The following SMAD4 variants were observed in gnomAD, a reference collection of about 807,000 sequenced individuals.
SMAD4 encodes SMAD family member 4.
Under a neutral mutation model 63.2 loss-of-function variants are expected in SMAD4, and 7 were observed. The observed-to-expected ratio is 0.11, with a 90% CI of 0.06 to 0.21. The LOEUF (loss-of-function observed/expected upper bound fraction) is 0.21, where lower values mean the gene tolerates loss of function less well. SMAD4 is among the 10% of genes least tolerant of loss of function. The pLI, the probability that SMAD4 is intolerant of heterozygous loss-of-function variation, is 1.00. For missense variants in SMAD4, 312 were observed against 693.8 expected (o/e 0.45, Z 6.18); for synonymous variants, 215 against 235.4 (o/e 0.91, Z 0.79).
chr18:51,057,777 A>C (rs901243324), intron 5 of SMAD4, among the ~76,000 whole-genome samples: 11 of 152,134 alleles, frequency 7.2e-5, no homozygotes, highest in African/African-American at 2.7e-4. Flanking sequence ...CCAGAGAGAG[A>C]GGTGGATGGA....
rs1269081475 is a variant in SMAD4 at position 51,079,202 on chromosome 18, A to T, written c.*735A>T. The T allele has an allele frequency of 1.3e-5, 3 of 232,862 alleles. No individual in the cohort carries two copies. Among genetic ancestry groups the T allele is most frequent in the African/African-American group, 2.2e-5 (1 of 45,342 alleles). The allele number at this position is 232,862 out of a possible 1,614,324, so 14.4% of individuals were successfully genotyped here. A position where few individuals can be genotyped will look rare whatever the true frequency, so the allele number is the denominator to read the frequency against. ...CCTAGTGGATGACTGTTGATGAAGT[A>T]TACTTTTCCCCTGTTAAACAGTAGT... On this transcript the variant is annotated 3_prime_UTR_variant, in exon 12 of 12. Transcript: ENST00000342988.
At chr18:51,074,391 C>T (rs190844355) in intron 10 of SMAD4, among the ~76,000 whole-genome samples, 1 of 152,174 alleles carries the variant, frequency 6.6e-6, no homozygotes, top group Admixed American at 6.5e-5. Flanking sequence ...ACAAACACCT[C>T]ACCAAAGAAG....
At chr18:51,066,307 G>GC (rs1910149179) in intron 9 of SMAD4, among the ~76,000 whole-genome samples, 1 of 146,830 alleles carries the variant, frequency 6.8e-6, no homozygotes. Flanking sequence ...TCGTGCCACT[G>GC]CACCCCAGCC....
In SMAD4 at chr18:51,054,996, G is replaced by C. The variant is rs757971589; in HGVS notation, c.667+3G>C. 8.7e-6 allele frequency: 14 copies of C among 1,606,396 alleles called. No individual in the cohort carries two copies. The highest frequency in any genetic ancestry group is 1.0e-5 in the Non-Finnish European group (12 of 1,173,730). On this transcript the variant is annotated splice_donor_region_variant and intron_variant, in intron 5 of 11. Coordinates refer to ENST00000342988, the MANE Select transcript of SMAD4 (RefSeq NM_005359.6). ...CAACATTCCTGTGGCTTCCACAAGT[G>C]AGTTCTAGAATCAGATGTAGTCAGC...
chr18:51,059,886 G>A lies in SMAD4; in HGVS notation c.925G>A (p.Ala309Thr), dbSNP rs774463256. The A allele has an allele frequency of 6.2e-7, 1 of 1,613,258 alleles. No individual in the cohort carries two copies. Among genetic ancestry groups the A allele is most frequent in the South Asian group, 1.1e-5 (1 of 91,062 alleles). The change falls in exon 8 of 12, where the codon GCA (alanine) becomes ACA (threonine). Residue 309 changes from alanine to threonine, a missense_variant. Ala to Thr is a moderately conservative substitution (Grantham distance 58). This residue lies in a region of SMAD4 where 169 missense variants were observed against 211.0 expected (regional missense o/e 0.80). Transcript: ENST00000342988. ...TTTAGGGCCTGTTCACAATGAGCTTGCATTCCAGCCTCCCATTTCCAATCA... is the reference window on the plus strand; with the variant it reads ...TTTAGGGCCTGTTCACAATGAGCTTACATTCCAGCCTCCCATTTCCAATCA... Reference protein sequence around the residue: ...GHYWPVHNELAFQPPISNHPA... With the variant: ...GHYWPVHNELTFQPPISNHPA...
chr18:51,049,191 C>G (rs1457004377), intron 3 of SMAD4, 104 bp from the exon 4 acceptor site: 1 of 893,644 alleles, frequency 1.1e-6, no homozygotes, highest in Non-Finnish European at 1.8e-6. Context: ...GGTTCATGAA[C>G]TTTTGTAATC....
chr18:51,048,962 C>T lies in SMAD4; in HGVS notation c.424+102C>T, dbSNP rs80002804. On this transcript the variant is annotated intron_variant, in intron 3 of 11. Coordinates refer to ENST00000342988, the MANE Select transcript of SMAD4 (RefSeq NM_005359.6). ...AATTATAAATTTGGAAGATAGCCCG[C>T]GACTTTAAATAAGGTTAAAGAATCA... The T allele has an allele frequency of 1.6e-4, 162 of 1,006,432 alleles. No homozygotes were observed. In the African/African-American group the frequency reaches 2.4e-3, roughly 15 times the overall value. 62.3% of individuals were successfully genotyped at this position (1,006,432 alleles called of 1,614,324 possible). A position where few individuals can be genotyped will look rare whatever the true frequency, so the allele number is the denominator to read the frequency against.
At chr18:51,049,429 C>G in intron 4 of SMAD4, 105 bp downstream of exon 4, 1 of 827,080 alleles carries the variant, frequency 1.2e-6, no homozygotes, top group South Asian at 1.4e-5. Flanking sequence ...GTAACATTAA[C>G]AAGAAAATAA....
intron 8 of SMAD4, among the ~76,000 whole-genome samples, chr18:51,064,671 T>TA (rs1910102432): frequency 6.6e-6 from 1 of 152,210 alleles, no homozygotes; most frequent in African/African-American, 2.4e-5. Flanking sequence ...CCCAGTGATT[T>TA]AAAATTATAT....
intron 1 of SMAD4, among the ~76,000 whole-genome samples, chr18:51,038,948 C>T (rs1909290298): frequency 6.6e-6 from 1 of 152,000 alleles, no homozygotes; most frequent in Non-Finnish European, 1.5e-5. Context: ...CTCTACTAAA[C>T]ATACAAAAAT....
intron 1 of SMAD4, among the ~76,000 whole-genome samples, chr18:51,031,829 A>G (rs1386662286): frequency 6.6e-6 from 1 of 152,132 alleles, no homozygotes; most frequent in Non-Finnish European, 1.5e-5. Context: ...CTTTTGCCAT[A>G]CCCTGCAGAG....
In SMAD4 at chr18:51,079,812, T is replaced by C. The variant is rs1910564750; in HGVS notation, c.*1345T>C. The C allele has an allele frequency of 4.3e-6, 1 of 232,728 alleles. No individual in the cohort carries two copies. The highest frequency in any genetic ancestry group is 5.6e-5 in the Admixed American group (1 of 17,758). 14.4% of individuals were successfully genotyped at this position (232,728 alleles called of 1,614,324 possible). A position where few individuals can be genotyped will look rare whatever the true frequency, so the allele number is the denominator to read the frequency against. On this transcript the variant is annotated 3_prime_UTR_variant, in exon 12 of 12. Coordinates refer to ENST00000342988, the MANE Select transcript of SMAD4 (RefSeq NM_005359.6). ...ATTCTAGGTTTGATTTTTAAGATTT[T>C]TTTTTTCTTTTGCACTTTTGAGTCC...
intron 8 of SMAD4, among the ~76,000 whole-genome samples, chr18:51,061,801 AATG>A (rs1910022859): frequency 6.6e-6 from 1 of 152,178 alleles, no homozygotes; most frequent in Admixed American, 6.5e-5. Context: ...CAGCGCCCAT[AATG>A]ATTAATTCAA....
chr18:51,042,827 G>A (rs1329119595), intron 1 of SMAD4, among the ~76,000 whole-genome samples: 12 of 152,150 alleles, frequency 7.9e-5, no homozygotes, highest in Non-Finnish European at 8.8e-5. Context: ...CCAGCCTCTT[G>A]TTAATTCATT....
At chr18:51,031,940 T>C (rs1909064797) in intron 1 of SMAD4, among the ~76,000 whole-genome samples, 1 of 152,206 alleles carries the variant, frequency 6.6e-6, no homozygotes, top group Admixed American at 6.5e-5. Context: ...AGTTCTGATA[T>C]GATTAGTACA....
chr18:51,073,617 G>A (rs898575031), intron 10 of SMAD4, among the ~76,000 whole-genome samples: 4 of 151,680 alleles, frequency 2.6e-5, no homozygotes, highest in Non-Finnish European at 4.4e-5. Context: ...TGCAACCTCC[G>A]CCTCCTGGGT....
chr18:51,058,491 T>TTA lies in SMAD4; in HGVS notation c.904+36_904+37insAT, dbSNP rs968558849. On this transcript the variant is annotated intron_variant, in intron 7 of 11. Coordinates refer to ENST00000342988, the MANE Select transcript of SMAD4 (RefSeq NM_005359.6). Reference sequence around the variant, plus strand: ...TGTTTTTGTTGTAAGGGCTATTTTTTTTTTTTTTTTGGTAGGGCTTTGTTT... The same window carrying TTA: ...TGTTTTTGTTGTAAGGGCTATTTTTTTATTTTTTTTTTGGTAGGGCTTTGTTT... The TTA allele has an allele frequency of 2.2e-5, 32 of 1,424,120 alleles. 1 individual carries two copies. The highest frequency in any genetic ancestry group is 3.1e-5 in the Non-Finnish European group (32 of 1,017,070). The allele number at this position is 1,424,120 out of a possible 1,614,324, so 88.2% of individuals were successfully genotyped here.
At chr18:51,043,099 G>C (rs138411318) in intron 1 of SMAD4, among the ~76,000 whole-genome samples, 1 of 152,224 alleles carries the variant, frequency 6.6e-6, no homozygotes, top group East Asian at 1.9e-4. Flanking sequence ...TTTTGTTATA[G>C]TTAGGGCATT....
intron 1 of SMAD4, among the ~76,000 whole-genome samples, chr18:51,031,321 A>G (rs996864814): frequency 1.3e-5 from 2 of 152,200 alleles, no homozygotes; most frequent in African/African-American, 4.8e-5. Flanking sequence ...GGATTTCTCA[A>G]ACTAGATTTT....
Sources: gnomAD v4.1 joint callset for allele counts (sites outside exome capture counted in the v4.1 genomes callset) on GRCh38, gnomAD v4.1.1 for gene constraint, gnomAD v4.1.1 regional missense constraint, MANE v1.5 for transcripts, NCBI Gene and HGNC (gene_info 2026-07-23, HGNC 2026-07-21) for gene names.